Variants in FER1L5 observed in about 807,000 individuals in gnomAD.
The protein encoded by FER1L5 is fer-1-like protein 5.
Under a neutral mutation model 279.9 loss-of-function variants are expected in FER1L5, and 187 were observed. The ratio of observed to expected loss-of-function variants is 0.67; its 90% CI spans 0.59 to 0.75. FER1L5 has a LOEUF of 0.75. Among genes scored for constraint, FER1L5 ranks in the 30% least tolerant of loss-of-function variants. The probability of loss-of-function intolerance (pLI) is 0.00; values close to 1 mark genes in which losing one functional copy is unlikely to be tolerated. For missense variants in FER1L5, 2,091 were observed against 2,594.4 expected, an observed-to-expected ratio of 0.81 and a Z score of 4.21; for synonymous variants, 921 against 989.7, an observed-to-expected ratio of 0.93 and a Z score of 1.30.
intron 10 of FER1L5, 32 bp downstream of exon 10, chr2:96,660,403 T>C: frequency 1.3e-6 from 2 of 1,550,022 alleles, no homozygotes; most frequent in Admixed American, 2.0e-5. Context: ...TATGTATGTC[T>C]TCTGAGAAAA....
chr2:96,685,397 G>A lies in FER1L5; in HGVS notation c.1863G>A (p.Glu621=), dbSNP rs765673472. 1 of 1,551,230 alleles carries A rather than the reference G, an allele frequency of 6.4e-7. No individual in the cohort carries two copies. Among genetic ancestry groups the A allele is most frequent in the South Asian group, 1.2e-5 (1 of 84,016 alleles). ...PKDPALLYQW[E]KLLRELAEDC... Reference sequence around the variant, plus strand: ...ATCCAGCTCTCCTCTACCAGTGGGAGAAACTGCTGAGGGAGCTGGCAGAGG... The same window carrying A: ...ATCCAGCTCTCCTCTACCAGTGGGAAAAACTGCTGAGGGAGCTGGCAGAGG... Residue 621 remains glutamate (E), a synonymous_variant, in exon 21 of 53, where the codon GAG becomes GAA. Coordinates refer to ENST00000624922, the MANE Select transcript of FER1L5 (RefSeq NM_001293083.2).
At chr2:96,671,827 T>C (rs1317660829) in intron 18 of FER1L5, among the ~76,000 whole-genome samples, 1 of 152,182 alleles carries the variant, frequency 6.6e-6, no homozygotes, top group Non-Finnish European at 1.5e-5. Context: ...ATCTTGAATG[T>C]GGCAGAGAGA....
intron 7 of FER1L5, chr2:96,652,490 C>T (rs1297503372): frequency 2.5e-5 from 4 of 158,862 alleles, no homozygotes; most frequent in South Asian, 1.8e-4. Context: ...CTGGGGGTGG[C>T]GGAGAGGACT....
At chr2:96,692,438 A>AAG (rs528458511) in intron 31 of FER1L5, among the ~76,000 whole-genome samples, 42 of 152,324 alleles carry the variant, frequency 2.8e-4, no homozygotes, top group Non-Finnish European at 5.1e-4. Context: ...GTTTGGGGAA[A>AAG]AGACACAAAA....
At position 96,670,178 on chromosome 2, in the gene FER1L5, A is replaced by G; in HGVS notation, c.1422A>G (p.Leu474=). ...ATCGAGGCCGAGTCTTCCTGGAGTT[A>G]ATCACCCAAATCAAGTCCTATCAAG... ...LAYRGRVFLE[L]ITQIKSYQDS... is the part of the protein sequence containing the mutation. The change falls in exon 18 of 53, where the codon TTA becomes TTG. Residue 474 remains leucine (L), a synonymous_variant. Coordinates refer to ENST00000624922, the MANE Select transcript of FER1L5 (RefSeq NM_001293083.2). 1 of 1,551,514 alleles carries G rather than the reference A, an allele frequency of 6.4e-7. No homozygotes were observed. Among genetic ancestry groups the G allele is most frequent in the East Asian group, 2.4e-5 (1 of 40,914 alleles).
chr2:96,658,885 T>C (rs774505810), intron 9 of FER1L5, among the ~76,000 whole-genome samples: 1 of 152,172 alleles, frequency 6.6e-6, no homozygotes, highest in Non-Finnish European at 1.5e-5. Flanking sequence ...TATTGATATA[T>C]GATTTGCAAA....
intron 21 of FER1L5, 112 bp from the exon 22 acceptor site, chr2:96,685,828 G>C: frequency 7.6e-7 from 1 of 1,312,594 alleles, no homozygotes; most frequent in Non-Finnish European, 1.0e-6. Flanking sequence ...AGCAGCAGAT[G>C]GGGGCAGGAT....
Position 96,700,025 on chromosome 2 carries a change from T to C in FER1L5, c.4875T>C (p.Ser1625=). 1 of 1,613,922 alleles carries C rather than the reference T, an allele frequency of 6.2e-7. No homozygotes were observed. Among genetic ancestry groups the C allele is most frequent in the Non-Finnish European group, 8.5e-7 (1 of 1,179,890 alleles). Reference sequence around the variant, plus strand: ...AAGGGCTACCTCCGCCTCTGTTCAGTCCTGAGGAAGATGCTGTTTTCTATA... The same window carrying C: ...AAGGGCTACCTCCGCCTCTGTTCAGCCCTGAGGAAGATGCTGTTTTCTATA... The part of the protein sequence containing the change: ...KRKGLPPPLF[S]PEEDAVFYNG... The change falls in exon 44 of 53, where the codon AGT becomes AGC. Residue 1625 remains serine, a synonymous_variant. Transcript: ENST00000624922.
Position 96,659,304 on chromosome 2 carries a change from T to G in FER1L5, c.748-1037T>G, listed in dbSNP as rs1397623242. Among the ~76,000 whole-genome samples, 33 of 37,244 alleles carry G rather than the reference T, an allele frequency of 8.9e-4. 1 individual carries two copies. Among genetic ancestry groups the G allele is most frequent in the East Asian group, 5.3e-3 (6 of 1,132 alleles). The allele number at this position is 37,244 out of a possible 152,430, so 24.4% of individuals were successfully genotyped here. A position where few individuals can be genotyped will look rare whatever the true frequency, so the allele number is the denominator to read the frequency against. On this transcript the variant is annotated intron_variant, in intron 9 of 52. Coordinates refer to ENST00000624922, the MANE Select transcript of FER1L5 (RefSeq NM_001293083.2). ...ATTTATCAAGCTTTCCTTCCTTCCT[T>G]CCTTCCTTCCTTCCTTCCTTCCTTC...
At chr2:96,698,000 C>T (rs1269528874) in intron 39 of FER1L5, 37 bp from the exon 40 acceptor site, 15 of 1,539,786 alleles carry the variant, frequency 9.7e-6, no homozygotes, top group Non-Finnish European at 1.2e-5. Context: ...ATCACGGGAA[C>T]AGTCTCCACC....
chr2:96,676,857 C>CT (rs1257747824), intron 19 of FER1L5, among the ~76,000 whole-genome samples: 4 of 151,932 alleles, frequency 2.6e-5, no homozygotes, highest in African/African-American at 7.3e-5. Context: ...TTTGTTATAC[C>CT]TTTTTTTAAA....
In FER1L5 at chr2:96,686,198, C is replaced by T. The variant is rs1558900631; in HGVS notation, c.2077C>T (p.Gln693Ter). 1 of 1,550,330 alleles carries T rather than the reference C, an allele frequency of 6.5e-7. No homozygotes were observed. The highest frequency in any genetic ancestry group is 2.0e-5 in the Admixed American group (1 of 50,956). The part of the protein sequence containing the change: ...YRLNTVLPEP[Q>*]MGLPDVMIWL... ...TGACATTCTCCCACCTCGGCAGCCC[C>T]AGATGGGCCTCCCTGACGTGATGAT... The change falls in exon 23 of 53, where the codon CAG (glutamine) becomes TAG (stop). Residue 693 changes from glutamine to a stop codon, truncating the protein, a stop_gained. Transcript: ENST00000624922. LOFTEE classifies it high-confidence loss of function.
At chr2:96,661,058 G>C (rs567236095) in intron 10 of FER1L5, among the ~76,000 whole-genome samples, 1 of 152,288 alleles carries the variant, frequency 6.6e-6, no homozygotes, top group South Asian at 2.1e-4. Context: ...TACAGTGCCT[G>C]GTTCCAGACC....
chr2:96,647,384 C>T (rs2075179599), intron 3 of FER1L5, among the ~76,000 whole-genome samples: 1 of 152,172 alleles, frequency 6.6e-6, no homozygotes, highest in African/African-American at 2.4e-5. Flanking sequence ...TCTGAAGCCA[C>T]GTATCTCAAA....
In FER1L5 at chr2:96,654,661, A is replaced by T. The variant is rs1454680859; in HGVS notation, c.747+165A>T. 15 of 361,516 alleles carry T rather than the reference A, an allele frequency of 4.1e-5. No individual in the cohort carries two copies. The East Asian group carries it at 6.0e-4, about 14-fold the overall frequency. 22.4% of individuals were successfully genotyped at this position (361,516 alleles called of 1,614,324 possible). ...GCACCTGTAATCCCAGCACTTTGGG[A>T]GGCCGAGGCCGGTGGATCACGAGGT... On this transcript the variant is annotated intron_variant, in intron 9 of 52. Coordinates refer to ENST00000624922, the MANE Select transcript of FER1L5 (RefSeq NM_001293083.2).
chr2:96,697,085 G>A (rs1019309773), intron 37 of FER1L5, among the ~76,000 whole-genome samples: 4 of 152,212 alleles, frequency 2.6e-5, no homozygotes, highest in African/African-American at 9.6e-5. Flanking sequence ...AATTGCTGAG[G>A]TAGGACCCAG....
chr2:96,643,900 G>A lies in FER1L5; in HGVS notation c.85+979G>A, dbSNP rs528344113. ...AAAAAAGGGTGAAAGGGCGGGGCACGGTGGCTCACACCTGTAATCCCAGCA... is the reference window on the plus strand; with the variant it reads ...AAAAAAGGGTGAAAGGGCGGGGCACAGTGGCTCACACCTGTAATCCCAGCA... On this transcript the variant is annotated intron_variant, in intron 1 of 52. Coordinates refer to ENST00000624922, the MANE Select transcript of FER1L5 (RefSeq NM_001293083.2). 7.2e-5 allele frequency among the ~76,000 whole-genome samples: 11 copies of A among 151,996 alleles called. No individual in the cohort carries two copies. In the South Asian group the frequency reaches 8.3e-4, roughly 11 times the overall value.
chr2:96,668,374 A>T (rs1028337379), intron 14 of FER1L5, among the ~76,000 whole-genome samples: 2 of 151,860 alleles, frequency 1.3e-5, no homozygotes, highest in African/African-American at 4.8e-5. Context: ...AAAAAAAAAA[A>T]TTGTTTTTAA....
chr2:96,657,984 T>C (rs992243523), intron 9 of FER1L5, among the ~76,000 whole-genome samples: 7 of 152,144 alleles, frequency 4.6e-5, no homozygotes, highest in African/African-American at 1.7e-4. Context: ...AATGACTAAA[T>C]CATATGGTAG....
Sources: gnomAD v4.1 joint callset for allele counts (sites outside exome capture counted in the v4.1 genomes callset) on GRCh38, gnomAD v4.1.1 for gene constraint, MANE v1.5 for transcripts, NCBI Gene and HGNC (gene_info 2026-07-23, HGNC 2026-07-21) for gene names.